Variants in MITF observed in about 807,000 individuals in gnomAD.
MITF encodes the protein microphthalmia-associated transcription factor.
Under a neutral mutation model 60.5 loss-of-function variants are expected in MITF, and 17 were observed. That is an observed-to-expected ratio of 0.28 (90% CI 0.19 to 0.42). MITF has a LOEUF of 0.42. Ranked by LOEUF, MITF falls within the 10% of genes least tolerant of loss-of-function variation. The pLI is 1.00. For missense variants in MITF, 622 were observed against 683.5 expected (o/e 0.91, Z 1.00); for synonymous variants, 260 against 248.5 (o/e 1.05, Z -0.43).
At chr3:69,766,866 A>T (rs2062305160) in intron 1 of MITF, among the ~76,000 whole-genome samples, 1 of 152,198 alleles carries the variant, frequency 6.6e-6, no homozygotes, top group South Asian at 2.1e-4. Context: ...CTCACCGTAG[A>T]TACAAGAGTT....
chr3:69,939,936 T>A (rs894884012), intron 4 of MITF, among the ~76,000 whole-genome samples: 1 of 152,198 alleles, frequency 6.6e-6, no homozygotes, highest in Non-Finnish European at 1.5e-5. Flanking sequence ...AAATCATCTC[T>A]TAAAGACAAA....
chr3:69,892,223 G>A (rs947703609), intron 2 of MITF, among the ~76,000 whole-genome samples: 2 of 152,020 alleles, frequency 1.3e-5, no homozygotes, highest in African/African-American at 4.8e-5. Context: ...ATCAAATAGG[G>A]CCTTGAAATA....
intron 2 of MITF, among the ~76,000 whole-genome samples, chr3:69,910,529 A>G (rs62253189): frequency 0.043 from 6,565 of 152,306 alleles, 199 homozygotes; most frequent in Admixed American, 0.066. Flanking sequence ...ATGCCAGCCC[A>G]TGAAAACAGT....
At chr3:69,873,170 C>G (rs947885467) in intron 1 of MITF, among the ~76,000 whole-genome samples, 4 of 152,106 alleles carry the variant, frequency 2.6e-5, no homozygotes, top group African/African-American at 2.4e-5. Context: ...ACTATGATAT[C>G]TGGTACTTTC....
Position 69,967,279 on chromosome 3 carries a change from C to T in MITF, c.*2031C>T, listed in dbSNP as rs543409106. ...GGAAAATTAGTTCCCATTCTTTCAA[C>T]CCCCTTAACTGTATAGCTCTTTTCC... On this transcript the variant is annotated 3_prime_UTR_variant, in exon 10 of 10. Transcript: ENST00000352241. 1 of 232,308 alleles carries T rather than the reference C, an allele frequency of 4.3e-6. No homozygotes were observed. Among genetic ancestry groups the T allele is most frequent in the Admixed American group, 5.6e-5 (1 of 17,748 alleles). The allele number at this position is 232,308 out of a possible 1,614,324, so 14.4% of individuals were successfully genotyped here.
chr3:69,771,889 A>G (rs895753929), intron 1 of MITF, among the ~76,000 whole-genome samples: 2 of 152,182 alleles, frequency 1.3e-5, no homozygotes, highest in Non-Finnish European at 2.9e-5. Flanking sequence ...AGGGATTGCT[A>G]AGATTGGGAA....
chr3:69,938,853 A>G, intron 3 of MITF: 44 of 1,424,794 alleles, frequency 3.1e-5, no homozygotes, highest in Non-Finnish European at 4.0e-5. Flanking sequence ...TTTAATTTCT[A>G]GAGGGACTAA....
In MITF at chr3:69,965,253, T is replaced by G; in HGVS notation, c.*5T>G. Reference sequence around the variant, plus strand: ...GAGACGGAGCACACTTGTTAGCGAATCCTCCCTGCACTGCATTCGCACAAA... The same window carrying G: ...GAGACGGAGCACACTTGTTAGCGAAGCCTCCCTGCACTGCATTCGCACAAA... On this transcript the variant is annotated 3_prime_UTR_variant, in exon 10 of 10. Coordinates refer to ENST00000352241, the MANE Select transcript of MITF (RefSeq NM_001354604.2). 1 of 1,613,704 alleles carries G rather than the reference T, an allele frequency of 6.2e-7. No individual in the cohort carries two copies. The highest frequency in any genetic ancestry group is 8.5e-7 in the Non-Finnish European group (1 of 1,179,726).
In MITF at chr3:69,837,668, G is replaced by A. The variant is rs75178881; in HGVS notation, c.105-41466G>A. 5.3e-3 allele frequency among the ~76,000 whole-genome samples: 805 copies of A among 152,282 alleles called. 11 individuals carry two copies. Among genetic ancestry groups the A allele is most frequent in the African/African-American group, 0.019 (778 of 41,562 alleles). On this transcript the variant is annotated intron_variant, in intron 1 of 9. Coordinates refer to ENST00000352241, the MANE Select transcript of MITF (RefSeq NM_001354604.2). ...AATCCAAAATTCTCTGAATGTCGAA[G>A]GATTTTTTTTGTCTGATACCTCATT...
chr3:69,828,583 T>C (rs2063394087), intron 1 of MITF, among the ~76,000 whole-genome samples: 1 of 151,744 alleles, frequency 6.6e-6, no homozygotes, highest in Non-Finnish European at 1.5e-5. Flanking sequence ...TATATAAATA[T>C]AGAAGGTAAA....
At chr3:69,938,723 T>TTAATGC in intron 3 of MITF, 1 of 1,305,860 alleles carries the variant, frequency 7.7e-7, no homozygotes, top group Non-Finnish European at 9.7e-7. Flanking sequence ...GAGCTGTGAT[T>TTAATGC]TAATGCTCAT....
chr3:69,890,685 T>C (rs919002294), intron 2 of MITF, among the ~76,000 whole-genome samples: 2 of 152,180 alleles, frequency 1.3e-5, no homozygotes, highest in African/African-American at 4.8e-5. Context: ...CATAATGCAA[T>C]GAAACAGTTC....
chr3:69,805,801 G>C (rs1182283008), intron 1 of MITF, among the ~76,000 whole-genome samples: 1 of 152,008 alleles, frequency 6.6e-6, no homozygotes, highest in Admixed American at 6.6e-5. Context: ...TAGGACTACA[G>C]GCATATGCCA....
At chr3:69,870,149 TA>T (rs71126472) in intron 1 of MITF, among the ~76,000 whole-genome samples, 1 of 119,156 alleles carries the variant, frequency 8.4e-6, no homozygotes, top group South Asian at 2.5e-4. Context: ...TTTGAATTAA[TA>T]AAAAAAACAG....
At chr3:69,742,300 T>C (rs1703554510) in intron 1 of MITF, among the ~76,000 whole-genome samples, 1 of 152,136 alleles carries the variant, frequency 6.6e-6, no homozygotes, top group African/African-American at 2.4e-5. Context: ...CCAGAGATGC[T>C]GCTAAACATC....
In MITF at chr3:69,808,547, A is replaced by G. The variant is rs542462525; in HGVS notation, c.104+68846A>G. Among the ~76,000 whole-genome samples the G allele has an allele frequency of 9.2e-5, 14 of 152,166 alleles. No individual in the cohort carries two copies. The South Asian group carries it at 2.9e-3, about 32-fold the overall frequency. On this transcript the variant is annotated intron_variant, in intron 1 of 9. Transcript: ENST00000352241. ...AGTTGATCTGGTCATGGGTTAGGGA[A>G]GGCCTCCCTAGGGAGGTAAAGTGTT...
At chr3:69,832,198 T>C (rs566982463) in intron 1 of MITF, among the ~76,000 whole-genome samples, 1 of 152,184 alleles carries the variant, frequency 6.6e-6, no homozygotes, top group African/African-American at 2.4e-5. Flanking sequence ...TCTTAGGAGG[T>C]TGTAGACAGA....
chr3:69,801,792 G>A (rs559804727), intron 1 of MITF, among the ~76,000 whole-genome samples: 31 of 152,262 alleles, frequency 2.0e-4, no homozygotes, highest in Middle Eastern at 3.4e-3. Flanking sequence ...ATAGAGTATG[G>A]TGGAGAGCTC....
chr3:69,842,311 GA>G (rs1229981566), intron 1 of MITF, among the ~76,000 whole-genome samples: 1 of 152,020 alleles, frequency 6.6e-6, no homozygotes, highest in African/African-American at 2.4e-5. Flanking sequence ...AGTGACATCT[GA>G]AAAAAGAAAA....
Sources: gnomAD v4.1 joint callset for allele counts (sites outside exome capture counted in the v4.1 genomes callset) on GRCh38, gnomAD v4.1.1 for gene constraint, MANE v1.5 for transcripts, NCBI Gene and HGNC (gene_info 2026-07-23, HGNC 2026-07-21) for gene names.